APBA1: variants seen among roughly 807,000 people sequenced by gnomAD.
APBA1 encodes the protein amyloid-beta A4 precursor protein-binding family A member 1.
In APBA1, 55 loss-of-function variants were observed where a neutral mutation model predicts 86.6. That is an observed-to-expected ratio of 0.64 (90% CI 0.51 to 0.80). APBA1 has a LOEUF of 0.80. Ranked by LOEUF, APBA1 falls within the 30% of genes least tolerant of loss-of-function variation. The pLI, the probability that APBA1 is intolerant of heterozygous loss-of-function variation, is 0.00. For missense variants in APBA1, 1,090 were observed against 1,183.0 expected, an observed-to-expected ratio of 0.92 and a Z score of 1.15; for synonymous variants, 511 against 493.9, an observed-to-expected ratio of 1.03 and a Z score of -0.46.
intron 1 of APBA1, among the ~76,000 whole-genome samples, chr9:69,636,751 C>A (rs570850448): frequency 1.4e-5 from 2 of 141,256 alleles, no homozygotes; most frequent in Admixed American, 1.5e-4. Flanking sequence ...GCCATGATGG[C>A]ACCACTGCAC....
chr9:69,433,278 G>A (rs1348933115), intron 11 of APBA1, among the ~76,000 whole-genome samples: 6 of 152,210 alleles, frequency 3.9e-5, no homozygotes, highest in Non-Finnish European at 7.3e-5. Flanking sequence ...ACAGTGACCC[G>A]AGGTTGCAGG....
At chr9:69,596,197 T>C (rs1268703217) in intron 1 of APBA1, among the ~76,000 whole-genome samples, 1 of 152,132 alleles carries the variant, frequency 6.6e-6, no homozygotes, top group Non-Finnish European at 1.5e-5. Flanking sequence ...ATGTTGCCCA[T>C]GCTGGCATTG....
chr9:69,592,259 T>C (rs1047909442), intron 1 of APBA1, among the ~76,000 whole-genome samples: 1 of 152,232 alleles, frequency 6.6e-6, no homozygotes, highest in Non-Finnish European at 1.5e-5. Flanking sequence ...GATGTCTTCA[T>C]TCTTATGGAT....
intron 2 of APBA1, among the ~76,000 whole-genome samples, chr9:69,484,123 A>T (rs1487634575): frequency 6.6e-6 from 1 of 152,020 alleles, no homozygotes; most frequent in Non-Finnish European, 1.5e-5. Flanking sequence ...CTTTAATTGC[A>T]TGGTTTGAGG....
intron 5 of APBA1, among the ~76,000 whole-genome samples, chr9:69,459,804 T>G (rs1035988116): frequency 4.6e-5 from 7 of 152,250 alleles, no homozygotes; most frequent in African/African-American, 1.7e-4. Context: ...CAGGGATATT[T>G]TGAGGACAAA....
At chr9:69,450,186 C>G (rs1356563236) in intron 9 of APBA1, among the ~76,000 whole-genome samples, 1 of 151,606 alleles carries the variant, frequency 6.6e-6, no homozygotes, top group Middle Eastern at 3.2e-3. Context: ...CGCAGGTTCC[C>G]CCTCCCACAG....
At chr9:69,604,751 T>C (rs1423356838) in intron 1 of APBA1, among the ~76,000 whole-genome samples, 1 of 136,612 alleles carries the variant, frequency 7.3e-6, no homozygotes, top group Admixed American at 7.3e-5. Flanking sequence ...TGCACACACA[T>C]GAGGGTAAGC....
intron 1 of APBA1, among the ~76,000 whole-genome samples, chr9:69,591,447 C>T (rs1822127125): frequency 6.6e-6 from 1 of 152,242 alleles, no homozygotes; most frequent in Admixed American, 6.5e-5. Flanking sequence ...GCCACTTCTT[C>T]TGAATGCTCA....
intron 8 of APBA1, among the ~76,000 whole-genome samples, chr9:69,455,485 G>A (rs1026503912): frequency 2.6e-5 from 4 of 152,166 alleles, no homozygotes; most frequent in Non-Finnish European, 4.4e-5. Flanking sequence ...AACCCTGAAA[G>A]TAGGCCAAAT....
chr9:69,456,201 T>A (rs780763273), intron 8 of APBA1, 46 bp downstream of exon 8: 1 of 1,605,814 alleles, frequency 6.2e-7, no homozygotes, highest in Middle Eastern at 1.7e-4. Context: ...TTCTGAGAAG[T>A]CAAGAGAACC....
intron 4 of APBA1, among the ~76,000 whole-genome samples, chr9:69,468,269 G>C (rs927912699): frequency 9.2e-5 from 14 of 152,206 alleles, no homozygotes; most frequent in Non-Finnish European, 1.6e-4. Context: ...CTGTTAGACT[G>C]TGAGCTCTTA....
chr9:69,443,983 C>T (rs546213054), intron 10 of APBA1, among the ~76,000 whole-genome samples: 2 of 152,286 alleles, frequency 1.3e-5, no homozygotes, highest in East Asian at 3.9e-4. Flanking sequence ...TCCTGGTCCT[C>T]ATAATCCCCC....
At chr9:69,433,589 A>G (rs1834642790) in intron 11 of APBA1, among the ~76,000 whole-genome samples, 1 of 152,212 alleles carries the variant, frequency 6.6e-6, no homozygotes, top group African/African-American at 2.4e-5. Flanking sequence ...CAGTTTAACT[A>G]TGAACAAAGC....
chr9:69,584,653 T>C (rs978191701), intron 1 of APBA1, among the ~76,000 whole-genome samples: 1 of 152,150 alleles, frequency 6.6e-6, no homozygotes, highest in African/African-American at 2.4e-5. Context: ...ATTCAGTAAA[T>C]TATAGCAAAC....
intron 1 of APBA1, among the ~76,000 whole-genome samples, chr9:69,606,119 G>A (rs1311723216): frequency 6.6e-6 from 1 of 152,236 alleles, no homozygotes; most frequent in African/African-American, 2.4e-5. Flanking sequence ...TCTGAAAAGA[G>A]CACTAGTATG....
chr9:69,465,126 T>C (rs1241074900), intron 5 of APBA1: 1 of 152,366 alleles, frequency 6.6e-6, no homozygotes, highest in African/African-American at 2.4e-5. Context: ...ATCTTTGTTT[T>C]GTGGCTCTGC....
intron 1 of APBA1, among the ~76,000 whole-genome samples, chr9:69,549,343 A>T (rs1381041388): frequency 6.6e-6 from 1 of 152,186 alleles, no homozygotes; most frequent in Non-Finnish European, 1.5e-5. Flanking sequence ...CATGCCTGGG[A>T]CACTATAGGT....
At chr9:69,440,382 T>C (rs1834795930) in intron 11 of APBA1, among the ~76,000 whole-genome samples, 1 of 151,980 alleles carries the variant, frequency 6.6e-6, no homozygotes, top group South Asian at 2.1e-4. Context: ...CCCCCAGAGG[T>C]GGAGCCTACA....
At chr9:69,561,521 T>A (rs1312890009) in intron 1 of APBA1, among the ~76,000 whole-genome samples, 1 of 152,120 alleles carries the variant, frequency 6.6e-6, no homozygotes, top group Non-Finnish European at 1.5e-5. Context: ...CAAAGAAAGT[T>A]CATTACAAAC....
Sources: gnomAD v4.1 joint callset for allele counts (sites outside exome capture counted in the v4.1 genomes callset) on GRCh38, gnomAD v4.1.1 for gene constraint, MANE v1.5 for transcripts, NCBI Gene and HGNC (gene_info 2026-07-23, HGNC 2026-07-21) for gene names.